Variants in PSMD1 observed in about 807,000 individuals in gnomAD.
The protein encoded by PSMD1 is 26S proteasome non-ATPase regulatory subunit 1.
PSMD1 carries 18 observed loss-of-function variants against 119.0 expected under a neutral mutation model. The ratio of observed to expected loss-of-function variants is 0.15; its 90% confidence interval spans 0.10 to 0.22. PSMD1 has a LOEUF of 0.22. Among genes scored for constraint, PSMD1 ranks in the 10% least tolerant of loss-of-function variants. PSMD1 has a pLI of 1.00. For synonymous variants in PSMD1, 374 were observed against 396.6 expected (o/e 0.94, Z 0.68); for missense variants, 702 against 1,158.5 (o/e 0.61, Z 5.72).
intron 23 of PSMD1, among the ~76,000 whole-genome samples, chr2:231,169,091 A>G (rs1696853427): frequency 6.6e-6 from 1 of 151,942 alleles, no homozygotes; most frequent in African/African-American, 2.4e-5. Flanking sequence ...TAACAAACCT[A>G]GACCATGTAT....
intron 8 of PSMD1, among the ~76,000 whole-genome samples, chr2:231,076,346 G>A (rs1559220698): frequency 6.6e-6 from 1 of 152,140 alleles, no homozygotes; most frequent in Non-Finnish European, 1.5e-5. Flanking sequence ...TCACCTGGTT[G>A]GAAAGTTGTG....
intron 16 of PSMD1, among the ~76,000 whole-genome samples, chr2:231,107,160 A>G (rs1173636567): frequency 1.3e-5 from 2 of 152,218 alleles, no homozygotes; most frequent in Admixed American, 6.5e-5. Flanking sequence ...TTCCCAGCAG[A>G]TTATATATAG....
At chr2:231,087,568 A>G (rs1694483180) in intron 16 of PSMD1, among the ~76,000 whole-genome samples, 1 of 152,204 alleles carries the variant, frequency 6.6e-6, no homozygotes, top group African/African-American at 2.4e-5. Flanking sequence ...AGTGAAAGGT[A>G]ATAGGTTTTG....
chr2:231,101,139 C>T (rs1694856459), intron 16 of PSMD1, among the ~76,000 whole-genome samples: 1 of 152,172 alleles, frequency 6.6e-6, no homozygotes, highest in African/African-American at 2.4e-5. Context: ...AGGCTTGGAG[C>T]AAACACAATT....
intron 5 of PSMD1, among the ~76,000 whole-genome samples, chr2:231,069,318 T>TAACAAA (rs1693983493): frequency 6.6e-6 from 1 of 152,224 alleles, no homozygotes; most frequent in Non-Finnish European, 1.5e-5. Context: ...CTGTTATTTT[T>TAACAAA]AAATTGTATT....
chr2:231,096,889 A>C (rs1233148693), intron 16 of PSMD1, among the ~76,000 whole-genome samples: 2 of 152,132 alleles, frequency 1.3e-5, no homozygotes, highest in East Asian at 3.9e-4. Context: ...AGGTAATTGG[A>C]ATGAGTTAGG....
chr2:231,087,930 C>A (rs1694492197), intron 16 of PSMD1, among the ~76,000 whole-genome samples: 1 of 151,842 alleles, frequency 6.6e-6, no homozygotes, highest in Non-Finnish European at 1.5e-5. Flanking sequence ...CCACTGCACT[C>A]CAGCCTGGGG....
intron 17 of PSMD1, among the ~76,000 whole-genome samples, chr2:231,139,314 CT>C (rs60709158): frequency 0.26 from 24,904 of 94,018 alleles, 1,575 homozygotes; most frequent in East Asian, 0.39. Context: ...TTTTTTCTTT[CT>C]TTTTTTTTTT....
chr2:231,135,376 A>G (rs1695944380), intron 16 of PSMD1, among the ~76,000 whole-genome samples: 1 of 152,174 alleles, frequency 6.6e-6, no homozygotes, highest in Admixed American at 6.5e-5. Flanking sequence ...GTTGGAACAG[A>G]CTTACAGAAC....
intron 16 of PSMD1, 150 bp downstream of exon 16, chr2:231,087,331 G>A (rs1199872220): frequency 4.8e-6 from 3 of 629,694 alleles, no homozygotes; most frequent in Non-Finnish European, 2.8e-6. Context: ...CCATTTAATA[G>A]CGAGATTAGT....
intron 16 of PSMD1, 105 bp from the exon 17 acceptor site, chr2:231,138,631 C>G: frequency 1.3e-6 from 1 of 742,460 alleles, no homozygotes; most frequent in Non-Finnish European, 2.3e-6. Context: ...TTTAAATGCT[C>G]ATTGTTTCCT....
chr2:231,141,421 CTTT>C (rs34818750), intron 17 of PSMD1, among the ~76,000 whole-genome samples: 6 of 104,206 alleles, frequency 5.8e-5, no homozygotes, highest in Admixed American at 1.8e-4. Context: ...CCCTGCTATA[CTTT>C]TTTTTTTTTT....
intron 16 of PSMD1, among the ~76,000 whole-genome samples, chr2:231,097,347 AC>A (rs1434392065): frequency 6.6e-6 from 1 of 152,136 alleles, no homozygotes; most frequent in African/African-American, 2.4e-5. Context: ...GGGGTCATTT[AC>A]CCTTGAGTTG....
At chr2:231,119,116 T>C (rs896817602) in intron 16 of PSMD1, among the ~76,000 whole-genome samples, 4 of 152,234 alleles carry the variant, frequency 2.6e-5, no homozygotes, top group Admixed American at 2.6e-4. Context: ...TTTTAAGCAT[T>C]TTAATGCTTA....
intron 16 of PSMD1, among the ~76,000 whole-genome samples, chr2:231,137,274 C>A (rs1695995175): frequency 2.0e-5 from 3 of 151,514 alleles, no homozygotes; most frequent in South Asian, 2.1e-4. Context: ...CACCACCATG[C>A]CTGGCTAATT....
At chr2:231,123,897 A>T in intron 16 of PSMD1, 3 of 545,726 alleles carry the variant, frequency 5.5e-6, no homozygotes, top group Non-Finnish European at 1.0e-5. Context: ...ACCTTCCTTT[A>T]AAAAAAAAAA....
intron 19 of PSMD1, among the ~76,000 whole-genome samples, chr2:231,154,694 C>G (rs1696447622): frequency 6.6e-6 from 1 of 152,160 alleles, no homozygotes; most frequent in African/African-American, 2.4e-5. Flanking sequence ...GTCTTGAACT[C>G]CTGGACTCGA....
chr2:231,114,708 T>C (rs965383915), intron 16 of PSMD1, among the ~76,000 whole-genome samples: 4 of 152,234 alleles, frequency 2.6e-5, no homozygotes, highest in Non-Finnish European at 4.4e-5. Flanking sequence ...TTAAGCACTT[T>C]AGAAATATTA....
At chr2:231,066,185 G>A (rs1002673300) in intron 4 of PSMD1, among the ~76,000 whole-genome samples, 1 of 152,188 alleles carries the variant, frequency 6.6e-6, no homozygotes, top group Non-Finnish European at 1.5e-5. Context: ...CTGTCATTAA[G>A]CGACACAGGA....
Sources: gnomAD v4.1 joint callset for allele counts (sites outside exome capture counted in the v4.1 genomes callset) on GRCh38, gnomAD v4.1.1 for gene constraint, MANE v1.5 for transcripts, NCBI Gene and HGNC (gene_info 2026-07-23, HGNC 2026-07-21) for gene names.